SLC14A2: variants seen among roughly 807,000 people sequenced by gnomAD.
The protein encoded by SLC14A2 is urea transporter 2.
SLC14A2 carries 91 observed loss-of-function variants against 104.6 expected under a neutral mutation model. That is an observed-to-expected ratio of 0.87 (90% confidence interval 0.73 to 1.04). SLC14A2 has a LOEUF of 1.04. Among genes scored for constraint, SLC14A2 ranks in the 50% least tolerant of loss-of-function variants. The pLI, the probability that SLC14A2 is intolerant of heterozygous loss-of-function variation, is 0.00. For synonymous variants in SLC14A2, 476 were observed against 466.4 expected, an observed-to-expected ratio of 1.02 and a Z score of -0.27; for missense variants, 1,189 against 1,156.0, an observed-to-expected ratio of 1.03 and a Z score of -0.41.
At chr18:45,231,226 G>A (rs1188482646) in intron 1 of SLC14A2, among the ~76,000 whole-genome samples, 6 of 150,436 alleles carry the variant, frequency 4.0e-5, no homozygotes, top group African/African-American at 1.2e-4. Context: ...TTTTTGAGGT[G>A]GAGTCTTGTT....
intron 1 of SLC14A2, among the ~76,000 whole-genome samples, chr18:45,480,567 A>G (rs2144695596): frequency 6.6e-6 from 1 of 152,338 alleles, no homozygotes; most frequent in South Asian, 2.1e-4. Flanking sequence ...ATCTCTGCCC[A>G]CAGCCAGGTA....
intron 1 of SLC14A2, among the ~76,000 whole-genome samples, chr18:45,420,214 C>A (rs771749098): frequency 1.8e-4 from 27 of 152,216 alleles, no homozygotes; most frequent in Admixed American, 9.8e-4. Flanking sequence ...ACCCGAATCT[C>A]TCCACAGGGT....
intron 1 of SLC14A2, among the ~76,000 whole-genome samples, chr18:45,416,215 C>A (rs1314153508): frequency 6.7e-6 from 1 of 148,378 alleles, no homozygotes; most frequent in Non-Finnish European, 1.5e-5. Context: ...AATTAAACCA[C>A]TTGAGTTGGC....
At chr18:45,304,889 A>G (rs969146871) in intron 1 of SLC14A2, among the ~76,000 whole-genome samples, 1 of 152,132 alleles carries the variant, frequency 6.6e-6, no homozygotes, top group Non-Finnish European at 1.5e-5. Flanking sequence ...ATGAGGGGCA[A>G]CTCTTCTTTG....
upstream of SLC14A2, among the ~76,000 whole-genome samples, chr18:45,612,621 G>A (rs2044991002): frequency 6.6e-6 from 1 of 152,204 alleles, no homozygotes; most frequent in Admixed American, 6.5e-5. Context: ...CTCACAGATG[G>A]GATGAGAAAA....
the SLC14A2 span, among the ~76,000 whole-genome samples, chr18:45,181,527 G>A: frequency 6.6e-6 from 1 of 152,134 alleles, no homozygotes; most frequent in African/African-American, 2.4e-5. Context: ...TGGCAAGAGG[G>A]AATGTAACTT....
intron 2 of SLC14A2, among the ~76,000 whole-genome samples, chr18:45,554,318 G>A (rs562295431): frequency 6.6e-5 from 10 of 152,298 alleles, no homozygotes; most frequent in Non-Finnish European, 1.2e-4. Context: ...GAAAGCAACC[G>A]ATCAATTTAC....
chr18:45,551,434 C>T (rs1009237430), intron 2 of SLC14A2, among the ~76,000 whole-genome samples: 1 of 152,246 alleles, frequency 6.6e-6, no homozygotes. Context: ...GGGCTTGGAA[C>T]TCACCAATAA....
At chr18:45,443,400 G>A (rs111602346) in intron 1 of SLC14A2, among the ~76,000 whole-genome samples, 13 of 152,354 alleles carry the variant, frequency 8.5e-5, no homozygotes, top group African/African-American at 2.4e-4. Context: ...TGGACTGATT[G>A]GGGATGCCCA....
At chr18:45,348,359 C>T (rs995460087) in intron 1 of SLC14A2, among the ~76,000 whole-genome samples, 1 of 152,226 alleles carries the variant, frequency 6.6e-6, no homozygotes, top group Non-Finnish European at 1.5e-5. Context: ...ACTCATCTCA[C>T]TTGGACCAGG....
chr18:45,466,903 C>T (rs562349409), intron 1 of SLC14A2, among the ~76,000 whole-genome samples: 4 of 152,206 alleles, frequency 2.6e-5, no homozygotes, highest in South Asian at 2.1e-4. Context: ...CAGATGGGCA[C>T]ATCTGTTAAC....
chr18:45,282,989 T>C (rs1174452099), intron 1 of SLC14A2, among the ~76,000 whole-genome samples: 1 of 152,234 alleles, frequency 6.6e-6, no homozygotes. Flanking sequence ...TCAACAGTGA[T>C]GGACCTCCGG....
chr18:45,201,178 G>A, the SLC14A2 span, among the ~76,000 whole-genome samples: 3 of 151,862 alleles, frequency 2.0e-5, no homozygotes, highest in Non-Finnish European at 2.9e-5. Context: ...TCCTATCAAG[G>A]ATACAAAAAG....
the SLC14A2 span, among the ~76,000 whole-genome samples, chr18:45,176,001 A>G: frequency 6.6e-6 from 1 of 152,194 alleles, no homozygotes; most frequent in East Asian, 1.9e-4. Context: ...GCCCTGTAAA[A>G]TTCATGTGAA....
chr18:45,519,102 A>G (rs1377531606), intron 2 of SLC14A2, among the ~76,000 whole-genome samples: 1 of 152,230 alleles, frequency 6.6e-6, no homozygotes, highest in African/African-American at 2.4e-5. Flanking sequence ...CTAAAATAAT[A>G]CCAGGAGGAA....
chr18:45,589,011 C>A (rs9955457), intron 2 of SLC14A2, among the ~76,000 whole-genome samples: 1,683 of 151,574 alleles, frequency 0.011, 31 homozygotes, highest in African/African-American at 0.039. Context: ...GATGACTGAA[C>A]AAAGAGAGCA....
chr18:45,278,188 A>C (rs1326985771), intron 1 of SLC14A2, among the ~76,000 whole-genome samples: 2 of 152,190 alleles, frequency 1.3e-5, no homozygotes, highest in Non-Finnish European at 2.9e-5. Flanking sequence ...TTCCTCATAG[A>C]GGGTGGGGTT....
At chr18:45,414,860 C>G (rs1252175838) in intron 1 of SLC14A2, among the ~76,000 whole-genome samples, 1 of 145,988 alleles carries the variant, frequency 6.8e-6, no homozygotes, top group African/African-American at 2.5e-5. Flanking sequence ...TTTGTAATTC[C>G]CCAGCCTTCC....
intron 2 of SLC14A2, among the ~76,000 whole-genome samples, chr18:45,515,240 G>A (rs1482362675): frequency 1.3e-5 from 2 of 152,198 alleles, no homozygotes; most frequent in African/African-American, 4.8e-5. Context: ...TGGATATTAT[G>A]GTTTTAAAGT....
Sources: gnomAD v4.1 joint callset for allele counts (sites outside exome capture counted in the v4.1 genomes callset) on GRCh38, gnomAD v4.1.1 for gene constraint, MANE v1.5 for transcripts, NCBI Gene and HGNC (gene_info 2026-07-23, HGNC 2026-07-21) for gene names.